DPYD: variants seen among roughly 807,000 people sequenced by gnomAD.
DPYD encodes the protein dihydropyrimidine dehydrogenase, also known as dihydropyrimidine dehydrogenase [NADP(+)].
Under a neutral mutation model 116.2 loss-of-function variants are expected in DPYD, and 109 were observed. The observed-to-expected ratio is 0.94, with a 90% CI of 0.80 to 1.10. The LOEUF (loss-of-function observed/expected upper bound fraction) is 1.10, where lower values mean the gene tolerates loss of function less well. Among genes scored for constraint, DPYD ranks in the 50% least tolerant of loss-of-function variants. The pLI is 0.00. For synonymous variants in DPYD, 440 were observed against 432.0 expected (o/e 1.02, Z -0.23); for missense variants, 1,302 against 1,254.5 (o/e 1.04, Z -0.57).
At chr1:97,852,924 C>T (rs995415808) in intron 2 of DPYD, among the ~76,000 whole-genome samples, 1 of 152,160 alleles carries the variant, frequency 6.6e-6, no homozygotes, top group Non-Finnish European at 1.5e-5. Flanking sequence ...CTCAGGGATA[C>T]TTCACCAATT....
At chr1:97,803,868 G>A (rs1667954037) in intron 3 of DPYD, among the ~76,000 whole-genome samples, 3 of 151,758 alleles carry the variant, frequency 2.0e-5, no homozygotes, top group Admixed American at 1.3e-4. Flanking sequence ...CTTTATTGAT[G>A]AATTTAAAGT....
intron 18 of DPYD, among the ~76,000 whole-genome samples, chr1:97,251,484 T>G (rs1478070481): frequency 6.6e-6 from 1 of 151,306 alleles, no homozygotes; most frequent in Non-Finnish European, 1.5e-5. Flanking sequence ...AAGATCATCA[T>G]CTACAGTACA....
chr1:97,418,922 T>C (rs1570702710), intron 14 of DPYD, among the ~76,000 whole-genome samples: 1 of 152,108 alleles, frequency 6.6e-6, no homozygotes, highest in South Asian at 2.1e-4. Context: ...AAAATAAGTA[T>C]ACTGAAAAAA....
At chr1:97,434,637 T>C (rs1475116427) in intron 14 of DPYD, among the ~76,000 whole-genome samples, 1 of 152,012 alleles carries the variant, frequency 6.6e-6, no homozygotes, top group South Asian at 2.1e-4. Flanking sequence ...CATTAGCACC[T>C]CCACCAAAGG....
At chr1:97,376,616 T>C (rs572449966) in intron 15 of DPYD, among the ~76,000 whole-genome samples, 1 of 152,204 alleles carries the variant, frequency 6.6e-6, no homozygotes, top group East Asian at 1.9e-4. Flanking sequence ...CAAGCAACTC[T>C]AACCATTCAA....
intron 20 of DPYD, among the ~76,000 whole-genome samples, chr1:97,136,527 C>G (rs1436402631): frequency 6.6e-6 from 1 of 152,004 alleles, no homozygotes; most frequent in African/African-American, 2.4e-5. Flanking sequence ...TTTTCCCATG[C>G]CAGACTGGGG....
chr1:97,785,981 C>T (rs1666997010), intron 3 of DPYD, among the ~76,000 whole-genome samples: 1 of 151,064 alleles, frequency 6.6e-6, no homozygotes, highest in Non-Finnish European at 1.5e-5. Context: ...GCTTGAGCCA[C>T]CACGTCCGGC....
intron 1 of DPYD, among the ~76,000 whole-genome samples, chr1:97,909,262 G>T (rs755647356): frequency 6.6e-6 from 1 of 151,912 alleles, no homozygotes; most frequent in Non-Finnish European, 1.5e-5. Flanking sequence ...CACCCAATGT[G>T]CCACCTCTGT....
intron 18 of DPYD, among the ~76,000 whole-genome samples, chr1:97,248,513 A>G (rs1662874094): frequency 6.6e-6 from 1 of 152,206 alleles, no homozygotes; most frequent in Non-Finnish European, 1.5e-5. Context: ...GTATGTCTTT[A>G]TTAGCAGTGT....
At position 97,467,553 on chromosome 1, in the gene DPYD, T is replaced by C. The variant is rs1677402290; in HGVS notation, c.1741-17330A>G. ...CTGTAAGCCATCAGGGAGGTCAGGA[T>C]TTAAATGTGAGTTGCCTGATCTTCT... On this transcript the variant is annotated intron_variant, in intron 13 of 22. Transcript: ENST00000370192. Among the ~76,000 whole-genome samples, 3 of 152,210 alleles carry C rather than the reference T, an allele frequency of 2.0e-5. No homozygotes were observed. In the South Asian group the frequency reaches 6.2e-4, roughly 32 times the overall value.
chr1:97,646,532 C>T (rs973974832), intron 8 of DPYD, among the ~76,000 whole-genome samples: 2 of 152,024 alleles, frequency 1.3e-5, no homozygotes, highest in Non-Finnish European at 2.9e-5. Context: ...TCAAAACACT[C>T]ATGGTAATAC....
chr1:97,459,595 A>T (rs1196680701), intron 13 of DPYD, among the ~76,000 whole-genome samples: 1 of 152,182 alleles, frequency 6.6e-6, no homozygotes, highest in Non-Finnish European at 1.5e-5. Context: ...TACCAATGAA[A>T]GCCAGAAGAG....
At chr1:97,167,378 T>A (rs1355351532) in intron 20 of DPYD, among the ~76,000 whole-genome samples, 1 of 152,192 alleles carries the variant, frequency 6.6e-6, no homozygotes, top group Admixed American at 6.5e-5. Flanking sequence ...TTCTTGGACA[T>A]AATTACTTTG....
At chr1:97,424,901 TG>T (rs1182840670) in intron 14 of DPYD, among the ~76,000 whole-genome samples, 2 of 152,088 alleles carry the variant, frequency 1.3e-5, no homozygotes, top group Non-Finnish European at 2.9e-5. Context: ...TATTTTAGTA[TG>T]TTCTGAATTA....
At chr1:97,457,004 T>G (rs1676726734) in intron 13 of DPYD, among the ~76,000 whole-genome samples, 1 of 152,102 alleles carries the variant, frequency 6.6e-6, no homozygotes. Context: ...TGTTGAAGAC[T>G]GTCAACACAA....
intron 16 of DPYD, among the ~76,000 whole-genome samples, chr1:97,355,985 T>A (rs2101372117): frequency 6.6e-6 from 1 of 152,320 alleles, no homozygotes; most frequent in South Asian, 2.1e-4. Flanking sequence ...ATTCTACTTT[T>A]GGTTTTTCGG....
At chr1:97,139,128 AT>A (rs1379030208) in intron 20 of DPYD, among the ~76,000 whole-genome samples, 2 of 152,200 alleles carry the variant, frequency 1.3e-5, no homozygotes, top group African/African-American at 4.8e-5. Flanking sequence ...ATGTAAATTA[AT>A]TTCCTATAAT....
At chr1:97,323,570 C>T (rs1254882613) in intron 16 of DPYD, among the ~76,000 whole-genome samples, 1 of 92,686 alleles carries the variant, frequency 1.1e-5, no homozygotes, top group Non-Finnish European at 2.2e-5. Flanking sequence ...TATATATACA[C>T]GTATATATAC....
intron 2 of DPYD, chr1:97,856,946 C>T (rs1670875559): frequency 6.6e-6 from 1 of 152,250 alleles, no homozygotes; most frequent in Non-Finnish European, 1.5e-5. Flanking sequence ...TCTATCCTAT[C>T]ATTCATTCTG....
Sources: gnomAD v4.1 joint callset for allele counts (sites outside exome capture counted in the v4.1 genomes callset) on GRCh38, gnomAD v4.1.1 for gene constraint, MANE v1.5 for transcripts, NCBI Gene and HGNC (gene_info 2026-07-23, HGNC 2026-07-21) for gene names.